TEX264: variants seen among roughly 807,000 people sequenced by gnomAD.
TEX264 encodes the protein testis-expressed protein 264.
Under a neutral mutation model 23.4 loss-of-function variants are expected in TEX264, and 13 were observed. The observed-to-expected ratio is 0.56, with a 90% CI of 0.36 to 0.88. The LOEUF (loss-of-function observed/expected upper bound fraction) is 0.88. Ranked by LOEUF, TEX264 falls within the 40% of genes least tolerant of loss-of-function variation. TEX264 has a pLI of 0.01. For synonymous variants in TEX264, 159 were observed against 170.0 expected (o/e 0.94, Z 0.50); for missense variants, 340 against 406.8 (o/e 0.84, Z 1.41).
intron 2 of TEX264, among the ~76,000 whole-genome samples, chr3:51,677,719 T>C (rs781655968): frequency 2.6e-5 from 4 of 152,100 alleles, no homozygotes; most frequent in Non-Finnish European, 4.4e-5. Flanking sequence ...CAAGAAAGGG[T>C]ACCACTAAGA....
At chr3:51,681,089 G>T (rs754342365) in intron 2 of TEX264, among the ~76,000 whole-genome samples, 12 of 152,170 alleles carry the variant, frequency 7.9e-5, no homozygotes, top group Non-Finnish European at 1.6e-4. Flanking sequence ...TTAGGCCAGG[G>T]CAGGGGAGGA....
chr3:51,698,950 C>T lies in TEX264; in HGVS notation c.481-456C>T, dbSNP rs544387298. Among the ~76,000 whole-genome samples the T allele has an allele frequency of 1.2e-4, 19 of 152,178 alleles. No homozygotes were observed. In the East Asian group the frequency reaches 2.9e-3, roughly 23 times the overall value. On this transcript the variant is annotated intron_variant, in intron 3 of 4. Coordinates refer to ENST00000341333, the MANE Select transcript of TEX264 (RefSeq NM_015926.6). ...CTTCTGATATCTGTGGGTCAGTCAG[C>T]GTTGTCCAGGGTGGAGAGGAGGTCA...
chr3:51,682,571 A>G (rs991933020), intron 2 of TEX264: 1 of 152,204 alleles, frequency 6.6e-6, no homozygotes, highest in Admixed American at 6.5e-5. Context: ...AATAACCACA[A>G]TTATGGGGCA....
At chr3:51,684,843 A>C (rs1044988329) in intron 3 of TEX264, among the ~76,000 whole-genome samples, 3 of 152,260 alleles carry the variant, frequency 2.0e-5, no homozygotes, top group African/African-American at 2.4e-5. Flanking sequence ...AAGCCGGAGC[A>C]TATCCCAAGA....
chr3:51,696,735 C>T (rs1703073385), intron 3 of TEX264, among the ~76,000 whole-genome samples: 1 of 152,242 alleles, frequency 6.6e-6, no homozygotes, highest in African/African-American at 2.4e-5. Flanking sequence ...TAGAAGTTTG[C>T]TCCTTTGCCT....
In TEX264 at chr3:51,699,582, A is replaced by AG; in HGVS notation, c.649+10dup. 6.2e-7 allele frequency: 1 copy of AG among 1,613,472 alleles called. No individual in the cohort carries two copies. The highest frequency in any genetic ancestry group is 8.5e-7 in the Non-Finnish European group (1 of 1,179,532). On this transcript the variant is annotated intron_variant, in intron 4 of 4. Coordinates refer to ENST00000341333, the MANE Select transcript of TEX264 (RefSeq NM_015926.6). ...CCCAGGTGGATGGCACAGGTACAGA[A>AG]GGTGGGGTATGAGGATGGGGCCCTC... is the stretch of plus-strand genomic sequence containing the variant.
At chr3:51,694,235 A>G (rs1328495770) in intron 3 of TEX264, among the ~76,000 whole-genome samples, 1 of 151,744 alleles carries the variant, frequency 6.6e-6, no homozygotes, top group African/African-American at 2.4e-5. Context: ...CATTCAAGCA[A>G]TTCTCCTGCC....
At chr3:51,687,579 G>C (rs1033553811) in intron 3 of TEX264, among the ~76,000 whole-genome samples, 5 of 152,202 alleles carry the variant, frequency 3.3e-5, no homozygotes, top group African/African-American at 9.7e-5. Flanking sequence ...CTCTGGATCT[G>C]GGACTGCTGT....
chr3:51,696,857 T>C (rs760893233), intron 3 of TEX264, among the ~76,000 whole-genome samples: 4 of 152,202 alleles, frequency 2.6e-5, no homozygotes, highest in Non-Finnish European at 5.9e-5. Context: ...CATGCCTCCC[T>C]CCAGTAGGGA....
chr3:51,690,456 C>T (rs1038847496), intron 3 of TEX264, among the ~76,000 whole-genome samples: 5 of 150,918 alleles, frequency 3.3e-5, no homozygotes, highest in African/African-American at 9.8e-5. Flanking sequence ...TGCTTGAACT[C>T]GGGAGGCAGA....
chr3:51,690,019 C>T (rs928392793), intron 3 of TEX264, among the ~76,000 whole-genome samples: 6 of 152,204 alleles, frequency 3.9e-5, no homozygotes, highest in Non-Finnish European at 8.8e-5. Context: ...TGGGCCCCAG[C>T]AGATTGCCTG....
intron 2 of TEX264, among the ~76,000 whole-genome samples, chr3:51,677,868 T>A (rs73834273): frequency 0.019 from 2,866 of 152,222 alleles, 103 homozygotes; most frequent in African/African-American, 0.066. Context: ...AGGATTCCAT[T>A]CTCCATCCCT....
In TEX264 at chr3:51,684,511, C is replaced by T. The variant is rs1371768229; in HGVS notation, c.357C>T (p.Gly119=). 6.2e-7 allele frequency: 1 copy of T among 1,614,200 alleles called. No individual in the cohort carries two copies. Among genetic ancestry groups the T allele is most frequent in the South Asian group, 1.1e-5 (1 of 91,084 alleles). The change falls in exon 3 of 5, where the codon GGC becomes GGT. Residue 119 remains glycine (G), a synonymous_variant. Coordinates refer to ENST00000341333, the MANE Select transcript of TEX264 (RefSeq NM_015926.6). ...TCATCGACCTCTACCAGAAATTTGG[C>T]TTCAAGGTGTTCTCCTTCCCGGCAC... ...PELIDLYQKF[G]FKVFSFPAPS...
chr3:51,702,035 C>G (rs545718516), intron 4 of TEX264, among the ~76,000 whole-genome samples: 2 of 152,300 alleles, frequency 1.3e-5, no homozygotes, highest in South Asian at 4.1e-4. Flanking sequence ...GCTCCTTCCT[C>G]TGAACATTCC....
At chr3:51,674,944 A>G (rs982864043) in intron 2 of TEX264, among the ~76,000 whole-genome samples, 4 of 151,710 alleles carry the variant, frequency 2.6e-5, no homozygotes, top group African/African-American at 9.7e-5. Context: ...GATTCTGCCC[A>G]CTCTTTGGGG....
At chr3:51,683,582 G>A (rs1702506601) in intron 2 of TEX264, 1 of 152,260 alleles carries the variant, frequency 6.6e-6, no homozygotes, top group African/African-American at 2.4e-5. Flanking sequence ...CTTAGGAAGT[G>A]GGATAGGTCC....
At position 51,686,380 on chromosome 3, in the gene TEX264, T is replaced by TTCC. The variant is rs553202355; in HGVS notation, c.480+1747_480+1748insCCT. ...TTGCAACTTTGTTCACCAAAGCAGC[T>TTCC]TGGGGAAAGGGACACAGCGTTGATG... On this transcript the variant is annotated intron_variant, in intron 3 of 4. Coordinates refer to ENST00000341333, the MANE Select transcript of TEX264 (RefSeq NM_015926.6). The surrounding 1 kb of genome is among the most constrained non-coding windows in gnomAD (Gnocchi z 4.1). Among the ~76,000 whole-genome samples the TTCC allele has an allele frequency of 3.3e-4, 50 of 152,066 alleles. No individual in the cohort carries two copies. Among genetic ancestry groups the TTCC allele is most frequent in the Admixed American group, 3.3e-4 (5 of 15,278 alleles).
intron 1 of TEX264, among the ~76,000 whole-genome samples, chr3:51,673,344 G>C (rs1702117987): frequency 6.6e-6 from 1 of 152,142 alleles, no homozygotes; most frequent in Admixed American, 6.5e-5. Flanking sequence ...TAGGCCTCTG[G>C]CCCCAAGCTG....
chr3:51,676,494 T>C (rs1324072843), intron 2 of TEX264, among the ~76,000 whole-genome samples: 1 of 152,190 alleles, frequency 6.6e-6, no homozygotes, highest in African/African-American at 2.4e-5. Flanking sequence ...CCAGGGTTGG[T>C]TGGTCATAGT....
Sources: allele counts gnomAD v4.1 joint callset (sites outside exome capture counted in the v4.1 genomes callset), GRCh38; gene constraint gnomAD v4.1.1; non-coding constraint Gnocchi (gnomAD v3.1); transcripts MANE v1.5; gene names NCBI Gene and HGNC (gene_info 2026-07-23, HGNC 2026-07-21).